The following RBFOX1 variants were observed in gnomAD, a reference collection of about 807,000 sequenced individuals.
RBFOX1 encodes the protein RNA binding protein fox-1 homolog 1.
RBFOX1 carries 8 observed loss-of-function variants against 57.7 expected under a neutral mutation model. The ratio of observed to expected loss-of-function variants is 0.14; its 90% CI spans 0.08 to 0.25. The LOEUF is 0.25. RBFOX1 is among the 10% of genes least tolerant of loss of function. RBFOX1 has a pLI of 1.00. For missense variants in RBFOX1, 611 were observed against 548.5 expected, an observed-to-expected ratio of 1.11 and a Z score of -1.14; for synonymous variants, 326 against 222.4, an observed-to-expected ratio of 1.47 and a Z score of -4.15.
intron 2 of RBFOX1, among the ~76,000 whole-genome samples, chr16:6,400,145 C>CA (rs1183212195): frequency 6.6e-6 from 1 of 152,216 alleles, no homozygotes; most frequent in Non-Finnish European, 1.5e-5. Context: ...CCAACAACTA[C>CA]AGCATGCACA....
chr16:5,847,131 T>C lies in RBFOX1; in HGVS notation c.319-20172T>C, dbSNP rs367684827. Among the ~76,000 whole-genome samples the C allele has an allele frequency of 2.6e-4, 40 of 152,180 alleles. No homozygotes were observed. The East Asian group carries it at 7.2e-3, about 27-fold the overall frequency. The stretch of plus-strand genomic sequence containing the variant: ...GGCCAGGCTGTTCTCTGGAAGTCAT[T>C]TGAAGAATGAAATTGAATTTGGTGA... On this transcript the variant is annotated intron_variant, in intron 3 of 19. Transcript: ENST00000641259.
At chr16:6,006,737 G>A (rs1041609093) in intron 4 of RBFOX1, among the ~76,000 whole-genome samples, 1 of 152,184 alleles carries the variant, frequency 6.6e-6, no homozygotes, top group Non-Finnish European at 1.5e-5. Flanking sequence ...TGGAGAGTGG[G>A]TTTTCATAAT....
At chr16:6,667,426 C>G (rs1356081012) in intron 3 of RBFOX1, among the ~76,000 whole-genome samples, 2 of 152,130 alleles carry the variant, frequency 1.3e-5, no homozygotes, top group African/African-American at 4.8e-5. Flanking sequence ...TGGCTTTGAA[C>G]CCCAGCTTAG....
intron 3 of RBFOX1, among the ~76,000 whole-genome samples, chr16:5,615,734 C>T (rs1267019279): frequency 6.6e-6 from 1 of 152,204 alleles, no homozygotes; most frequent in Non-Finnish European, 1.5e-5. Flanking sequence ...GAGCCTGGAT[C>T]AACTTGGGGG....
intron 2 of RBFOX1, among the ~76,000 whole-genome samples, chr16:6,423,837 A>G (rs932300382): frequency 6.6e-6 from 1 of 152,060 alleles, no homozygotes; most frequent in Non-Finnish European, 1.5e-5. Flanking sequence ...AGAAATGAGG[A>G]GCCCAGATAA....
intron 1 of RBFOX1, among the ~76,000 whole-genome samples, chr16:5,322,639 C>G (rs1476359373): frequency 2.0e-5 from 3 of 152,184 alleles, no homozygotes; most frequent in African/African-American, 7.2e-5. Flanking sequence ...AGCCCCCAGT[C>G]TTCCCCATCC....
At chr16:6,773,911 G>C (rs1450355432) in intron 3 of RBFOX1, 7 of 980,144 alleles carry the variant, frequency 7.1e-6, no homozygotes, top group Non-Finnish European at 8.5e-6. Flanking sequence ...GAGTGCATTT[G>C]CGTTGCGGGG....
intron 4 of RBFOX1, among the ~76,000 whole-genome samples, chr16:7,459,427 G>C (rs2059146959): frequency 6.6e-6 from 1 of 152,136 alleles, no homozygotes; most frequent in Admixed American, 6.5e-5. Flanking sequence ...TGAAAATTAT[G>C]ATGGAAATAA....
chr16:6,263,171 A>G (rs949049670), intron 1 of RBFOX1, among the ~76,000 whole-genome samples: 2 of 152,042 alleles, frequency 1.3e-5, no homozygotes, highest in Non-Finnish European at 2.9e-5. Flanking sequence ...TATAGAGAAG[A>G]TGTCTTATGG....
intron 4 of RBFOX1, among the ~76,000 whole-genome samples, chr16:7,452,887 G>C (rs985334872): frequency 1.3e-5 from 2 of 152,142 alleles, no homozygotes; most frequent in African/African-American, 4.8e-5. Context: ...CCAGCATTTT[G>C]GGAGGTCGTG....
intron 3 of RBFOX1, among the ~76,000 whole-genome samples, chr16:5,703,455 GA>G (rs1418669221): frequency 1.3e-5 from 2 of 152,206 alleles, no homozygotes; most frequent in East Asian, 3.9e-4. Context: ...GGCAAGCTGG[GA>G]GTGGCATGAG....
chr16:7,096,443 C>G (rs1254384803), intron 4 of RBFOX1, among the ~76,000 whole-genome samples: 4 of 152,176 alleles, frequency 2.6e-5, no homozygotes, highest in African/African-American at 2.4e-5. Flanking sequence ...GCTGACATGC[C>G]ACTGTTAACA....
chr16:6,518,623 G>C (rs920912763), intron 2 of RBFOX1, among the ~76,000 whole-genome samples: 1 of 152,132 alleles, frequency 6.6e-6, no homozygotes, highest in African/African-American at 2.4e-5. Context: ...AGCTCTTGGG[G>C]CTTCTTGACA....
intron 3 of RBFOX1, among the ~76,000 whole-genome samples, chr16:7,017,731 A>G (rs1403750838): frequency 1.3e-5 from 2 of 152,026 alleles, no homozygotes; most frequent in African/African-American, 2.4e-5. Flanking sequence ...CGTTTTCACA[A>G]CCCTGTGACA....
chr16:7,223,435 T>G lies in RBFOX1; in HGVS notation c.27+171337T>G. Among the ~76,000 whole-genome samples, 2 of 152,194 alleles carry G rather than the reference T, an allele frequency of 1.3e-5. 1 individual carries two copies. The highest frequency in any genetic ancestry group is 2.9e-5 in the Non-Finnish European group (2 of 68,036). On this transcript the variant is annotated intron_variant, in intron 4 of 15. Transcript: ENST00000550418. ...AAGATAAACCAAATCAAAATGTATA[T>G]TCCATTGAATCATGACAAATTCGCA...
At chr16:7,129,723 T>TTG (rs1039450895) in intron 4 of RBFOX1, among the ~76,000 whole-genome samples, 1 of 151,570 alleles carries the variant, frequency 6.6e-6, no homozygotes, top group Non-Finnish European at 1.5e-5. Context: ...CCAAATCGGG[T>TTG]TGTGTGTGCT....
intron 4 of RBFOX1, among the ~76,000 whole-genome samples, chr16:6,006,452 C>G (rs561521567): frequency 5.9e-4 from 89 of 152,118 alleles, no homozygotes; most frequent in Non-Finnish European, 1.1e-3. Flanking sequence ...CAGTCTGTGC[C>G]TATTGGAGGG....
intron 3 of RBFOX1, among the ~76,000 whole-genome samples, chr16:6,885,744 C>G (rs964203738): frequency 2.0e-5 from 3 of 152,170 alleles, no homozygotes; most frequent in East Asian, 1.9e-4. Flanking sequence ...GTTGGACAGG[C>G]TGGTCTCGAA....
At chr16:5,891,317 A>G (rs1048571616) in intron 4 of RBFOX1, among the ~76,000 whole-genome samples, 5 of 152,170 alleles carry the variant, frequency 3.3e-5, no homozygotes, top group Non-Finnish European at 4.4e-5. Context: ...AGCTGATCGC[A>G]GCACACGTCC....
Sources: allele counts gnomAD v4.1 joint callset (sites outside exome capture counted in the v4.1 genomes callset), GRCh38; gene constraint gnomAD v4.1.1; transcripts MANE v1.5; gene names NCBI Gene and HGNC (gene_info 2026-07-23, HGNC 2026-07-21).